ATP4B: variants seen among roughly 807,000 people sequenced by gnomAD.
ATP4B encodes potassium-transporting ATPase subunit beta.
In ATP4B, 27 loss-of-function variants were observed where a neutral mutation model predicts 35.3. The ratio of observed to expected loss-of-function variants is 0.76; its 90% CI spans 0.56 to 1.05. The LOEUF (loss-of-function observed/expected upper bound fraction) is 1.05. Ranked by LOEUF, ATP4B falls within the 50% of genes least tolerant of loss-of-function variation. ATP4B has a pLI of 0.00. For missense variants in ATP4B, 375 were observed against 384.8 expected (o/e 0.97, Z 0.21); for synonymous variants, 162 against 156.0 (o/e 1.04, Z -0.29).
chr13:113,651,713 G>A lies in ATP4B; in HGVS notation c.570C>T (p.Leu190=). 2.5e-6 allele frequency: 4 copies of A among 1,613,886 alleles called. No homozygotes were observed. The highest frequency in any genetic ancestry group is 3.4e-6 in the Non-Finnish European group (4 of 1,179,882). ...CTCTGGGGGCCGAGCCGTTGCTGGGGAGGAACTTGACGATCTAGAAGGGAA... is the reference window on the plus strand; with the variant it reads ...CTCTGGGGGCCGAGCCGTTGCTGGGAAGGAACTTGACGATCTAGAAGGGAA... ...IIKMNRIVKF[L]PSNGSAPRVD... is the part of the protein sequence containing the mutation. Residue 190 remains leucine, a synonymous_variant, in exon 5 of 7, where the codon CTC becomes CTT. Coordinates refer to ENST00000335288, the MANE Select transcript of ATP4B (RefSeq NM_000705.4).
rs531946052 is a variant in ATP4B at position 113,650,353 on chromosome 13, T to C, written c.714+53A>G. The stretch of plus-strand genomic sequence containing the variant: ...GGCTTATTGCTTTCCTTTCGCTAAG[T>C]GTGAGAGGACTCAGCAGCTGTGGTG... On this transcript the variant is annotated intron_variant, in intron 6 of 6. Coordinates refer to ENST00000335288, the MANE Select transcript of ATP4B (RefSeq NM_000705.4). This position sits in a 1 kb window ranked among gnomAD's most constrained non-coding sequence, Gnocchi z 5.0. 40 of 1,530,750 alleles carry C rather than the reference T, an allele frequency of 2.6e-5. No homozygotes were observed. The East Asian group carries it at 9.0e-4, about 35-fold the overall frequency. The allele number at this position is 1,530,750 out of a possible 1,614,324, so 94.8% of individuals were successfully genotyped here.
rs765762992 is a variant in ATP4B, at chr13:113,649,557, G to A, written c.715-22C>T. 2 of 1,470,178 alleles carry A rather than the reference G, an allele frequency of 1.4e-6. No homozygotes were observed. The highest frequency in any genetic ancestry group is 1.8e-6 in the Non-Finnish European group (2 of 1,107,406). 91.1% of individuals were successfully genotyped at this position (1,470,178 alleles called of 1,614,324 possible). A position where few individuals can be genotyped will look rare whatever the true frequency, so the allele number is the denominator to read the frequency against. ...GGGGCTGAAGTGGGAGTGAGGAAAG[G>A]ACAGGTGTTTCAAAAATCTCTGAAG... On this transcript the variant is annotated intron_variant, in intron 6 of 6. Transcript: ENST00000335288. The surrounding 1 kb of genome is among the most constrained non-coding windows in gnomAD (Gnocchi z 4.7).
intron 1 of ATP4B, 126 bp from the exon 2 acceptor site, chr13:113,655,068 C>T (rs1832422257): frequency 8.4e-6 from 11 of 1,314,050 alleles, no homozygotes; most frequent in East Asian, 2.5e-5. Context: ...ACATTCTCCT[C>T]CCCCAAAACA....
rs372844884 is a variant in ATP4B, at chr13:113,651,657, G to A, written c.612+14C>T. 37 of 1,599,114 alleles carry A rather than the reference G, an allele frequency of 2.3e-5. No individual in the cohort carries two copies. Among genetic ancestry groups the A allele is most frequent in the African/African-American group, 1.6e-4 (12 of 74,376 alleles). ...TTCCTGGGGCAGCCCTGCCCGCCGC[G>A]CGGCCGTACTCACCAGGAAGGCGCA... On this transcript the variant is annotated intron_variant, in intron 5 of 6. Transcript: ENST00000335288.
At position 113,658,069 on chromosome 13, in the gene ATP4B, T is replaced by C. The variant is rs1387812354; in HGVS notation, c.76A>G (p.Thr26Ala). 1 of 1,610,636 alleles carries C rather than the reference T, an allele frequency of 6.2e-7. No homozygotes were observed. The change falls in exon 1 of 7, where the codon ACG becomes GCG. Residue 26 changes from threonine (T) to alanine (A), a missense_variant. Physicochemically the swap from Thr to Ala is moderately conservative, Grantham distance 58. Coordinates refer to ENST00000335288, the MANE Select transcript of ATP4B (RefSeq NM_000705.4). Reference protein sequence around the residue: ...EFQRYCWNPDTGQMLGRTLSR... With the variant: ...EFQRYCWNPDAGQMLGRTLSR... The stretch of plus-strand genomic sequence containing the variant: ...AGGGTGCGGCCCAGCATCTGCCCCG[T>C]GTCCGGGTTCCAGCAGTAACGCTGG...
intron 1 of ATP4B, among the ~76,000 whole-genome samples, chr13:113,655,167 C>T (rs1445816839): frequency 2.0e-5 from 3 of 152,212 alleles, no homozygotes; most frequent in Non-Finnish European, 4.4e-5. Flanking sequence ...CCCGTCTGGA[C>T]GTCCACATAG....
rs767213116 is a variant in ATP4B at position 113,658,057 on chromosome 13, G to T, written c.88C>A (p.Leu30Met). 7 of 1,607,808 alleles carry T rather than the reference G, an allele frequency of 4.4e-6. 1 individual carries two copies. The highest frequency in any genetic ancestry group is 5.9e-6 in the Non-Finnish European group (7 of 1,178,010). The change falls in exon 1 of 7, where the codon CTG (leucine) becomes ATG (methionine). Residue 30 changes from leucine to methionine, a missense_variant. Physicochemically the swap from Leu to Met is conservative, Grantham distance 15. Transcript: ENST00000335288. ...YCWNPDTGQM[L>M]GRTLSRWVWI... is the part of the protein sequence containing the mutation. ...CCCCACCGGGACAGGGTGCGGCCCAGCATCTGCCCCGTGTCCGGGTTCCAG... is the reference window on the plus strand; with the variant it reads ...CCCCACCGGGACAGGGTGCGGCCCATCATCTGCCCCGTGTCCGGGTTCCAG...
chr13:113,649,715 T>G lies in ATP4B; in HGVS notation c.715-180A>C, dbSNP rs531145520. On this transcript the variant is annotated intron_variant, in intron 6 of 6. Coordinates refer to ENST00000335288, the MANE Select transcript of ATP4B (RefSeq NM_000705.4). This position sits in a 1 kb window ranked among gnomAD's most constrained non-coding sequence, Gnocchi z 4.7. ...TGAGATAACACCCCCCATGTAAAAA[T>G]GGAAAGCAACTGTCTGGAGGGGACA... Among the ~76,000 whole-genome samples, 19 of 152,066 alleles carry G rather than the reference T, an allele frequency of 1.2e-4. No homozygotes were observed. The highest frequency in any genetic ancestry group is 2.6e-4 in the Non-Finnish European group (18 of 68,012).
At chr13:113,656,365 G>A (rs929019974) in intron 1 of ATP4B, among the ~76,000 whole-genome samples, 1 of 152,202 alleles carries the variant, frequency 6.6e-6, no homozygotes, top group African/African-American at 2.4e-5. Flanking sequence ...GATGTGGGCG[G>A]TGCGTGTCTC....
Position 113,649,211 on chromosome 13 carries a change from T to C in ATP4B, c.*163A>G. ...AGAACTGATACTCGCGAGCAGGTCC[T>C]TCAGATGTGGGCGCTTCTCTGGAGT... is the stretch of plus-strand genomic sequence containing the variant. On this transcript the variant is annotated 3_prime_UTR_variant, in exon 7 of 7. Transcript: ENST00000335288. This position sits in a 1 kb window ranked among gnomAD's most constrained non-coding sequence, Gnocchi z 4.7. 1 of 688,684 alleles carries C rather than the reference T, an allele frequency of 1.5e-6. No homozygotes were observed. Among genetic ancestry groups the C allele is most frequent in the Non-Finnish European group, 2.3e-6 (1 of 440,052 alleles). 42.7% of individuals were successfully genotyped at this position (688,684 alleles called of 1,614,324 possible). A position where few individuals can be genotyped will look rare whatever the true frequency, so the allele number is the denominator to read the frequency against.
intron 2 of ATP4B, among the ~76,000 whole-genome samples, chr13:113,653,962 A>G (rs1435793661): frequency 6.6e-6 from 1 of 152,218 alleles, no homozygotes; most frequent in African/African-American, 2.4e-5. Flanking sequence ...ACAGATGCAG[A>G]AACGTGTGTT....
chr13:113,656,076 A>G (rs906794229), intron 1 of ATP4B, among the ~76,000 whole-genome samples: 4 of 152,202 alleles, frequency 2.6e-5, no homozygotes, highest in Admixed American at 6.5e-5. Flanking sequence ...TTGTGTGGCC[A>G]CAGCAGCTTG....
chr13:113,653,519 A>C lies in ATP4B; in HGVS notation c.242-85T>G, dbSNP rs922504095. On this transcript the variant is annotated intron_variant, in intron 2 of 6. Transcript: ENST00000335288. ...GTTCTGAAGTGGCTGAGGATACGCC[A>C]GAGGCGGTGGCCCAACCCAGGAGCC... is the stretch of plus-strand genomic sequence containing the variant. 13 of 1,288,440 alleles carry C rather than the reference A, an allele frequency of 1.0e-5. No homozygotes were observed. In the Admixed American group the frequency reaches 2.4e-4, roughly 23 times the overall value. 79.8% of individuals were successfully genotyped at this position (1,288,440 alleles called of 1,614,324 possible). A position where few individuals can be genotyped will look rare whatever the true frequency, so the allele number is the denominator to read the frequency against.
rs142872172 is a variant in ATP4B at position 113,653,367 on chromosome 13, G to A, written c.309C>T (p.Asn103=). The A allele has an allele frequency of 1.2e-6, 2 of 1,614,194 alleles. No homozygotes were observed. The highest frequency in any genetic ancestry group is 8.5e-7 in the Non-Finnish European group (1 of 1,180,026). Residue 103 remains asparagine (N), a synonymous_variant, in exon 3 of 7, where the codon AAC becomes AAT. Coordinates refer to ENST00000335288, the MANE Select transcript of ATP4B (RefSeq NM_000705.4). ...GLEIVYNVSD[N]RTWADLTQTL... ...TCTGTGTGAGGTCTGCCCAGGTTCT[G>A]TTATCAGAGACGTTGTAGACAATTT...
intron 2 of ATP4B, among the ~76,000 whole-genome samples, chr13:113,654,489 A>T (rs1390686400): frequency 6.6e-6 from 1 of 152,260 alleles, no homozygotes; most frequent in Non-Finnish European, 1.5e-5. Flanking sequence ...AAGTGGATGG[A>T]AAAACTTTGT....
At chr13:113,654,666 G>T in intron 2 of ATP4B, 148 bp downstream of exon 2, 1 of 1,269,678 alleles carries the variant, frequency 7.9e-7, no homozygotes, top group Non-Finnish European at 1.1e-6. Flanking sequence ...GGCACCTGCT[G>T]GGGTGTGTGG....
Position 113,649,542 on chromosome 13 carries a change from T to C in ATP4B, c.715-7A>G, listed in dbSNP as rs2049696123. 1.3e-6 allele frequency: 2 copies of C among 1,506,974 alleles called. No individual in the cohort carries two copies. The highest frequency in any genetic ancestry group is 1.8e-6 in the Non-Finnish European group (2 of 1,123,200). 93.4% of individuals were successfully genotyped at this position (1,506,974 alleles called of 1,614,324 possible). A position where few individuals can be genotyped will look rare whatever the true frequency, so the allele number is the denominator to read the frequency against. On this transcript the variant is annotated splice_region_variant and splice_polypyrimidine_tract_variant and intron_variant, in intron 6 of 6. Transcript: ENST00000335288. The surrounding 1 kb of genome is among the most constrained non-coding windows in gnomAD (Gnocchi z 4.7). ...GGGGGTTGCTGTAGTGGGGCTGAAG[T>C]GGGAGTGAGGAAAGGACAGGTGTTT...
chr13:113,651,800 G>T, intron 4 of ATP4B, 73 bp from the exon 5 acceptor site: 1 of 1,558,000 alleles, frequency 6.4e-7, no homozygotes, highest in Non-Finnish European at 8.7e-7. Flanking sequence ...ACCCACCCAT[G>T]GAGCTGAGAT....
chr13:113,651,012 C>T (rs2049707685), intron 5 of ATP4B, among the ~76,000 whole-genome samples: 1 of 151,794 alleles, frequency 6.6e-6, no homozygotes, highest in Admixed American at 6.6e-5. Flanking sequence ...CGCAGTGTGG[C>T]CCAAATAAAT....
Sources: allele counts gnomAD v4.1 joint callset (sites outside exome capture counted in the v4.1 genomes callset), GRCh38; gene constraint gnomAD v4.1.1; non-coding constraint Gnocchi (gnomAD v3.1); transcripts MANE v1.5; gene names NCBI Gene and HGNC (gene_info 2026-07-23, HGNC 2026-07-21).